The following ASIC2 variants were observed in gnomAD, a reference collection of about 807,000 sequenced individuals.
The protein encoded by ASIC2 is acid sensing ion channel subunit 2.
In ASIC2, 25 loss-of-function variants were observed where a neutral mutation model predicts 57.3. That is an observed-to-expected ratio of 0.44 (90% CI 0.32 to 0.61). ASIC2 has a LOEUF of 0.61. Among genes scored for constraint, ASIC2 ranks in the 20% least tolerant of loss-of-function variants. The pLI is 0.06. For synonymous variants in ASIC2, 319 were observed against 307.5 expected, an observed-to-expected ratio of 1.04 and a Z score of -0.39; for missense variants, 641 against 738.1, an observed-to-expected ratio of 0.87 and a Z score of 1.52.
At chr17:33,192,237 G>A (rs561217217) in intron 1 of ASIC2, among the ~76,000 whole-genome samples, 2 of 152,164 alleles carry the variant, frequency 1.3e-5, no homozygotes, top group Admixed American at 6.6e-5. Context: ...ACAAAAATTA[G>A]CCAGGCATGT....
chr17:33,291,944 G>A lies in ASIC2; in HGVS notation c.172C>T (p.Arg58Trp), dbSNP rs865946520. 5.3e-6 allele frequency: 8 copies of A among 1,518,624 alleles called. No individual in the cohort carries two copies. In the Admixed American group the frequency reaches 6.2e-5, roughly 12 times the overall value. The allele number at this position is 1,518,624 out of a possible 1,614,324, so 94.1% of individuals were successfully genotyped here. A position where few individuals can be genotyped will look rare whatever the true frequency, so the allele number is the denominator to read the frequency against. ...AGTTTAGCGCGGCTCAGCGATGGCC[G>A]CCCCCTGCGGGCGACCCCTGGCCCC... ...LQGPGVARRG[R>W]PSLSRAKLHG... Residue 58 changes from arginine (R) to tryptophan (W), a missense_variant, in exon 1 of 10, where the codon CGG becomes TGG. By Grantham distance (101) the Arg-to-Trp change is moderately radical. This residue lies in a region of ASIC2 where 382 missense variants were observed against 398.0 expected (regional missense o/e 0.96). Transcript: ENST00000225823.
intron 1 of ASIC2, among the ~76,000 whole-genome samples, chr17:33,746,404 G>T (rs2701479): frequency 6.8e-6 from 1 of 146,418 alleles, no homozygotes. Flanking sequence ...GTAGATACAT[G>T]TATGTATATC....
At chr17:33,108,128 G>A (rs571562086) in intron 2 of ASIC2, among the ~76,000 whole-genome samples, 9 of 152,276 alleles carry the variant, frequency 5.9e-5, no homozygotes, top group South Asian at 2.1e-4. Context: ...TTACAAACGA[G>A]GAAACAGAGG....
intron 1 of ASIC2, among the ~76,000 whole-genome samples, chr17:33,251,999 T>A (rs1313509632): frequency 3.9e-5 from 6 of 152,198 alleles, no homozygotes; most frequent in Non-Finnish European, 5.9e-5. Context: ...GCAGGCCAGG[T>A]ACTATCATGT....
chr17:33,411,033 T>C (rs574239373), intron 1 of ASIC2, among the ~76,000 whole-genome samples: 1 of 152,312 alleles, frequency 6.6e-6, no homozygotes, highest in Admixed American at 6.5e-5. Context: ...AGCCAATGAA[T>C]GCAAAAGAAA....
chr17:33,473,705 A>C (rs1053329281), intron 1 of ASIC2, among the ~76,000 whole-genome samples: 2 of 152,156 alleles, frequency 1.3e-5, no homozygotes, highest in African/African-American at 4.8e-5. Flanking sequence ...AATGAGAAAT[A>C]AATGAGGAAC....
chr17:33,384,804 A>C (rs1221339473), intron 1 of ASIC2, among the ~76,000 whole-genome samples: 1 of 152,188 alleles, frequency 6.6e-6, no homozygotes, highest in Non-Finnish European at 1.5e-5. Flanking sequence ...CATGAGCCCA[A>C]GTCCCCTTAA....
intron 1 of ASIC2, chr17:34,039,134 G>A (rs561535806): frequency 8.6e-5 from 139 of 1,613,896 alleles, no homozygotes; most frequent in African/African-American, 6.7e-4. Flanking sequence ...TCAATCTGCC[G>A]TCTCAAATCA....
At chr17:33,444,583 C>T (rs367730165) in intron 1 of ASIC2, among the ~76,000 whole-genome samples, 1 of 152,344 alleles carries the variant, frequency 6.6e-6, no homozygotes, top group African/African-American at 2.4e-5. Context: ...CTCCCTCCCC[C>T]GGTTGGGATT....
At chr17:33,358,204 C>T (rs778891431) in intron 1 of ASIC2, among the ~76,000 whole-genome samples, 15 of 152,204 alleles carry the variant, frequency 9.9e-5, no homozygotes, top group Admixed American at 2.0e-4. Flanking sequence ...TATTGGACTA[C>T]AGCCATGTTC....
chr17:33,168,366 G>A (rs748813098), intron 1 of ASIC2, among the ~76,000 whole-genome samples: 27 of 152,176 alleles, frequency 1.8e-4, no homozygotes, highest in Non-Finnish European at 2.9e-4. Context: ...AAAGCAGGCA[G>A]AAAAAGCCTG....
intron 1 of ASIC2, among the ~76,000 whole-genome samples, chr17:33,150,717 G>A (rs545448783): frequency 9.3e-6 from 1 of 107,804 alleles, no homozygotes; most frequent in African/African-American, 4.0e-5. Flanking sequence ...GGGCGTAGTG[G>A]CGGGCGCCTG....
chr17:33,635,237 A>G (rs935121121), intron 1 of ASIC2, among the ~76,000 whole-genome samples: 1 of 152,012 alleles, frequency 6.6e-6, no homozygotes, highest in Admixed American at 6.6e-5. Flanking sequence ...GTCAATAATG[A>G]TAATAATAAC....
chr17:33,376,515 A>G (rs1909282489), intron 1 of ASIC2, among the ~76,000 whole-genome samples: 1 of 152,214 alleles, frequency 6.6e-6, no homozygotes, highest in South Asian at 2.1e-4. Flanking sequence ...TTGAGAACTA[A>G]TTCTGTGCTG....
At chr17:33,744,418 A>G (rs1303941721) in intron 1 of ASIC2, among the ~76,000 whole-genome samples, 1 of 152,220 alleles carries the variant, frequency 6.6e-6, no homozygotes, top group Non-Finnish European at 1.5e-5. Context: ...ACAAGCATCC[A>G]AAGAGAGCTC....
intron 1 of ASIC2, among the ~76,000 whole-genome samples, chr17:33,524,299 C>T (rs926261898): frequency 6.6e-6 from 1 of 152,174 alleles, no homozygotes; most frequent in African/African-American, 2.4e-5. Context: ...AGTACATCGT[C>T]AGGGTAAGTA....
At chr17:33,501,104 G>C (rs1180830454) in intron 1 of ASIC2, among the ~76,000 whole-genome samples, 1 of 152,226 alleles carries the variant, frequency 6.6e-6, no homozygotes, top group Non-Finnish European at 1.5e-5. Context: ...GAAATTCCCT[G>C]AGCCTCACAG....
Position 33,485,191 on chromosome 17 carries a change from A to G in ASIC2, c.556-373124T>C, listed in dbSNP as rs141378187. On this transcript the variant is annotated intron_variant, in intron 1 of 9. Transcript: ENST00000359872. ...TAAAAGGTTAAGACTATTGGCTCCTAAGAGTTCATCATCAGTTCATCAGAC... is the reference window on the plus strand; with the variant it reads ...TAAAAGGTTAAGACTATTGGCTCCTGAGAGTTCATCATCAGTTCATCAGAC... 2.2e-3 allele frequency among the ~76,000 whole-genome samples: 336 copies of G among 152,366 alleles called. 1 individual carries two copies. The highest frequency in any genetic ancestry group is 7.8e-3 in the African/African-American group (323 of 41,580).
At chr17:33,294,332 G>C (rs1385344721), upstream of ASIC2, among the ~76,000 whole-genome samples, 2 of 152,170 alleles carry the variant, frequency 1.3e-5, no homozygotes, top group African/African-American at 4.8e-5. Flanking sequence ...TTGGGGAGAG[G>C]AGGCTTGGGG....
Sources: allele counts gnomAD v4.1 joint callset (sites outside exome capture counted in the v4.1 genomes callset), GRCh38; gene constraint gnomAD v4.1.1; regional missense constraint gnomAD v4.1.1; transcripts MANE v1.5; gene names NCBI Gene and HGNC (gene_info 2026-07-23, HGNC 2026-07-21).